CCDC68: variants seen among roughly 807,000 people sequenced by gnomAD.
CCDC68 encodes coiled-coil domain-containing protein 68.
CCDC68 carries 45 observed loss-of-function variants against 47.1 expected under a neutral mutation model. The ratio of observed to expected loss-of-function variants is 0.96; its 90% CI spans 0.75 to 1.23. The LOEUF is 1.23. Ranked by LOEUF, CCDC68 falls within the 50% of genes most tolerant of loss-of-function variation. The probability of loss-of-function intolerance (pLI) is 0.00; values close to 1 mark genes in which losing one functional copy is unlikely to be tolerated. For missense variants in CCDC68, 353 were observed against 373.6 expected (o/e 0.94, Z 0.45); for synonymous variants, 131 against 129.5 (o/e 1.01, Z -0.08).
chr18:54,943,195 G>A (rs543829015), intron 2 of CCDC68, among the ~76,000 whole-genome samples: 9 of 152,164 alleles, frequency 5.9e-5, no homozygotes, highest in East Asian at 5.8e-4. Context: ...TTTTGTGTGC[G>A]TGTGTGTATC....
At chr18:54,952,810 C>T (rs577901547) in intron 1 of CCDC68, among the ~76,000 whole-genome samples, 8 of 152,204 alleles carry the variant, frequency 5.3e-5, no homozygotes, top group African/African-American at 1.9e-4. Context: ...GTCAGGAGAT[C>T]GAGAGCAGAC....
At position 54,930,147 on chromosome 18, in the gene CCDC68, T is replaced by C. The variant is rs151087294; in HGVS notation, c.601-1265A>G. Among the ~76,000 whole-genome samples the C allele has an allele frequency of 3.0e-3, 453 of 152,342 alleles. 6 individuals are homozygous for C. The highest frequency in any genetic ancestry group is 9.7e-3 in the African/African-American group (405 of 41,576). On this transcript the variant is annotated intron_variant, in intron 7 of 11. Coordinates refer to ENST00000591504, the MANE Select transcript of CCDC68 (RefSeq NM_025214.3). ...TTAAAAATTTAATCTAGTACTCCTATACTATTTTTCACTTTTTCTCCAAAA... is the reference window on the plus strand; with the variant it reads ...TTAAAAATTTAATCTAGTACTCCTACACTATTTTTCACTTTTTCTCCAAAA...
chr18:54,950,814 G>A (rs2044603342), intron 1 of CCDC68, among the ~76,000 whole-genome samples: 1 of 93,144 alleles, frequency 1.1e-5, no homozygotes. Context: ...GATGCAATAA[G>A]GCACAAAAAA....
chr18:54,915,654 C>T (rs1248569445), intron 10 of CCDC68, among the ~76,000 whole-genome samples: 2 of 152,142 alleles, frequency 1.3e-5, no homozygotes, highest in African/African-American at 4.8e-5. Flanking sequence ...ATAGGCCAGG[C>T]ATGGTGGCTC....
In CCDC68 at chr18:54,938,096, T is replaced by A; in HGVS notation, c.206A>T (p.His69Leu). The A allele has an allele frequency of 6.2e-7, 1 of 1,607,304 alleles. No individual in the cohort carries two copies. Among genetic ancestry groups the A allele is most frequent in the Non-Finnish European group, 8.5e-7 (1 of 1,178,078 alleles). ...DSTNHKLDAKHCGNLQQGSDS... is the reference protein window; with the variant it reads ...DSTNHKLDAKLCGNLQQGSDS... ...AGAGCCCTGTTGAAGGTTTCCACAG[T>A]GCTGAAACGGACAAATGAAAATCAT... The change falls in exon 5 of 12, where the codon CAC (histidine) becomes CTC (leucine). Residue 69 changes from histidine (H) to leucine (L), a missense_variant and splice_region_variant. Physicochemically the swap from His to Leu is moderately conservative, Grantham distance 99. Coordinates refer to ENST00000591504, the MANE Select transcript of CCDC68 (RefSeq NM_025214.3).
intron 4 of CCDC68, among the ~76,000 whole-genome samples, chr18:54,940,562 G>A (rs1269820295): frequency 2.6e-5 from 4 of 152,156 alleles, no homozygotes; most frequent in South Asian, 2.1e-4. Flanking sequence ...CAGATTGCTC[G>A]ACCTTAGGTA....
intron 7 of CCDC68, among the ~76,000 whole-genome samples, chr18:54,929,125 C>T (rs972620928): frequency 6.6e-6 from 1 of 152,210 alleles, no homozygotes; most frequent in Non-Finnish European, 1.5e-5. Flanking sequence ...TGCTCCTCCT[C>T]CAGGGCATTG....
intron 9 of CCDC68, 65 bp downstream of exon 9, chr18:54,919,206 C>A: frequency 4.0e-6 from 5 of 1,258,460 alleles, no homozygotes; most frequent in Non-Finnish European, 5.8e-6. Context: ...AGTCAAGCCA[C>A]TCGTATTTGG....
intron 8 of CCDC68, among the ~76,000 whole-genome samples, chr18:54,927,941 A>G (rs529737993): frequency 6.6e-6 from 1 of 152,276 alleles, no homozygotes; most frequent in South Asian, 2.1e-4. Context: ...AAATCGAAAG[A>G]CTGAGAAAGA....
At chr18:54,922,522 A>C (rs1444744456) in intron 8 of CCDC68, among the ~76,000 whole-genome samples, 1 of 152,076 alleles carries the variant, frequency 6.6e-6, no homozygotes, top group Non-Finnish European at 1.5e-5. Context: ...CTCAGAAGAA[A>C]ACCTCAGTTA....
At chr18:54,918,683 G>C (rs557514753) in intron 9 of CCDC68, among the ~76,000 whole-genome samples, 1 of 152,300 alleles carries the variant, frequency 6.6e-6, no homozygotes, top group African/African-American at 2.4e-5. Context: ...GGAGTATTTG[G>C]GAGGACTTGT....
chr18:54,932,286 G>A (rs1412547148), intron 7 of CCDC68, among the ~76,000 whole-genome samples: 1 of 151,214 alleles, frequency 6.6e-6, no homozygotes, highest in Non-Finnish European at 1.5e-5. Flanking sequence ...CCAGGTTCAA[G>A]TGATTCTCAT....
intron 8 of CCDC68, among the ~76,000 whole-genome samples, chr18:54,923,918 G>A (rs915649275): frequency 6.6e-5 from 10 of 152,022 alleles, no homozygotes; most frequent in African/African-American, 2.4e-4. Flanking sequence ...TCACCATGTT[G>A]GCCAGGCTGA....
At chr18:54,931,914 G>A (rs1216665882) in intron 7 of CCDC68, among the ~76,000 whole-genome samples, 4 of 152,102 alleles carry the variant, frequency 2.6e-5, no homozygotes, top group East Asian at 1.9e-4. Context: ...TTTTCTCCAG[G>A]GGGCACCTAC....
At chr18:54,920,243 T>C (rs1407740862) in intron 8 of CCDC68, among the ~76,000 whole-genome samples, 6 of 150,488 alleles carry the variant, frequency 4.0e-5, no homozygotes, top group Admixed American at 6.6e-5. Flanking sequence ...TTTCTTTTTT[T>C]TTTTTTTTTT....
At chr18:54,931,342 C>G (rs1351622397) in intron 7 of CCDC68, among the ~76,000 whole-genome samples, 1 of 152,232 alleles carries the variant, frequency 6.6e-6, no homozygotes, top group Non-Finnish European at 1.5e-5. Flanking sequence ...CAGCACCACA[C>G]AGTGGGCAAC....
intron 10 of CCDC68, among the ~76,000 whole-genome samples, chr18:54,912,130 G>A (rs549605114): frequency 6.6e-6 from 1 of 152,270 alleles, no homozygotes; most frequent in African/African-American, 2.4e-5. Flanking sequence ...AAATTTAAAG[G>A]ATGATGGTGC....
rs781485249 is a variant in CCDC68 at position 54,928,916 on chromosome 18, T to C, written c.601-34A>G. Reference sequence around the variant, plus strand: ...AAATAAGATACAAATTTTGCTAAACTGCATGTGTATGTTTGGTAAGGCCTT... The same window carrying C: ...AAATAAGATACAAATTTTGCTAAACCGCATGTGTATGTTTGGTAAGGCCTT... On this transcript the variant is annotated intron_variant, in intron 7 of 11. Coordinates refer to ENST00000591504, the MANE Select transcript of CCDC68 (RefSeq NM_025214.3). 2.5e-6 allele frequency: 3 copies of C among 1,218,826 alleles called. No individual in the cohort carries two copies. The Admixed American group carries it at 5.1e-5, about 21-fold the overall frequency. The allele number at this position is 1,218,826 out of a possible 1,614,324, so 75.5% of individuals were successfully genotyped here. A position where few individuals can be genotyped will look rare whatever the true frequency, so the allele number is the denominator to read the frequency against.
chr18:54,916,173 C>G (rs1467557098), intron 10 of CCDC68, among the ~76,000 whole-genome samples: 1 of 152,040 alleles, frequency 6.6e-6, no homozygotes, highest in African/African-American at 2.4e-5. Flanking sequence ...GCCAATTATT[C>G]CACAATCAAG....
Sources: allele counts gnomAD v4.1 joint callset (sites outside exome capture counted in the v4.1 genomes callset), GRCh38; gene constraint gnomAD v4.1.1; transcripts MANE v1.5; gene names NCBI Gene and HGNC (gene_info 2026-07-23, HGNC 2026-07-21).